ARID5B: variants seen among roughly 807,000 people sequenced by gnomAD.
The protein encoded by ARID5B is AT-rich interactive domain-containing protein 5B.
In ARID5B, 13 loss-of-function variants were observed where a neutral mutation model predicts 97.2. The ratio of observed to expected loss-of-function variants is 0.13; its 90% CI spans 0.09 to 0.21. ARID5B has a LOEUF of 0.21. Among genes scored for constraint, ARID5B ranks in the 10% least tolerant of loss-of-function variants. The pLI, the probability that ARID5B is intolerant of heterozygous loss-of-function variation, is 1.00. For synonymous variants in ARID5B, 556 were observed against 570.3 expected (o/e 0.97, Z 0.36); for missense variants, 1,210 against 1,465.3 (o/e 0.83, Z 2.84).
At chr10:62,026,865 G>T (rs1054927302) in intron 4 of ARID5B, among the ~76,000 whole-genome samples, 1 of 152,132 alleles carries the variant, frequency 6.6e-6, no homozygotes, top group Non-Finnish European at 1.5e-5. Context: ...TAAAGAGCAG[G>T]CTAATTAAAA....
At chr10:62,087,508 A>G (rs1840306981) in intron 9 of ARID5B, among the ~76,000 whole-genome samples, 1 of 151,488 alleles carries the variant, frequency 6.6e-6, no homozygotes, top group East Asian at 1.9e-4. Context: ...TTCAACATGA[A>G]TAATAAAAAA....
intron 3 of ARID5B, among the ~76,000 whole-genome samples, chr10:61,942,628 C>A (rs1844430517): frequency 6.6e-6 from 1 of 152,086 alleles, no homozygotes; most frequent in South Asian, 2.1e-4. Context: ...CCCATCTCTA[C>A]TAAAAATAGA....
intron 2 of ARID5B, among the ~76,000 whole-genome samples, chr10:61,939,545 A>G (rs1446657781): frequency 6.6e-6 from 1 of 152,222 alleles, no homozygotes; most frequent in Non-Finnish European, 1.5e-5. Flanking sequence ...AGAAAAAATC[A>G]GTTCATTTCT....
chr10:61,941,175 T>G (rs1251574612), intron 3 of ARID5B, among the ~76,000 whole-genome samples: 1 of 150,152 alleles, frequency 6.7e-6, no homozygotes, highest in African/African-American at 2.4e-5. Context: ...ACAGGGTTAT[T>G]GTGAGATGTG....
chr10:61,973,558 C>A (rs944897014), intron 3 of ARID5B, among the ~76,000 whole-genome samples: 2 of 151,976 alleles, frequency 1.3e-5, no homozygotes, highest in African/African-American at 4.8e-5. Flanking sequence ...TTTAGTCATA[C>A]TTAAATTCAC....
chr10:62,083,835 A>C (rs2132975016), intron 8 of ARID5B, among the ~76,000 whole-genome samples: 1 of 152,334 alleles, frequency 6.6e-6, no homozygotes, highest in East Asian at 1.9e-4. Flanking sequence ...TGGCAGAACC[A>C]GGCAGAAAAA....
At position 62,093,415 on chromosome 10, in the gene ARID5B, A is replaced by G. The variant is rs1840416137; in HGVS notation, c.*385A>G. 1 of 261,178 alleles carries G rather than the reference A, an allele frequency of 3.8e-6. No individual in the cohort carries two copies. The allele number at this position is 261,178 out of a possible 1,614,324, so 16.2% of individuals were successfully genotyped here. On this transcript the variant is annotated 3_prime_UTR_variant, in exon 10 of 10. Transcript: ENST00000279873. ...CATTTCAAAGGAAGGGGCAAGGAAGACTGGCAAACAGATGGCAAGGGATGC... is the reference window on the plus strand; with the variant it reads ...CATTTCAAAGGAAGGGGCAAGGAAGGCTGGCAAACAGATGGCAAGGGATGC...
At chr10:62,004,334 T>G (rs562845011) in intron 4 of ARID5B, among the ~76,000 whole-genome samples, 1 of 152,344 alleles carries the variant, frequency 6.6e-6, no homozygotes, top group East Asian at 1.9e-4. Context: ...TCTTGTCAGT[T>G]ACACTGCTCT....
chr10:61,932,587 T>C (rs1254650095), intron 2 of ARID5B, among the ~76,000 whole-genome samples: 1 of 152,058 alleles, frequency 6.6e-6, no homozygotes, highest in African/African-American at 2.4e-5. Context: ...TTTTTGTTGC[T>C]GTTGAGATGC....
intron 5 of ARID5B, among the ~76,000 whole-genome samples, chr10:62,056,655 A>G (rs752897259): frequency 1.9e-4 from 29 of 152,224 alleles, no homozygotes; most frequent in Non-Finnish European, 4.1e-4. Flanking sequence ...ATGTATTGAT[A>G]TAGAGAGACA....
intron 4 of ARID5B, chr10:62,049,219 C>G: frequency 7.4e-7 from 1 of 1,358,396 alleles, no homozygotes; most frequent in Admixed American, 3.4e-5. Flanking sequence ...GCAGAGCCCT[C>G]CCTGCCAGTC....
chr10:62,048,966 G>A (rs1040113553), intron 4 of ARID5B, among the ~76,000 whole-genome samples: 7 of 152,194 alleles, frequency 4.6e-5, no homozygotes, highest in Non-Finnish European at 1.0e-4. Flanking sequence ...TTTGATAAGG[G>A]ACTTGAAAGT....
chr10:61,979,918 C>A (rs2132844257), intron 3 of ARID5B, among the ~76,000 whole-genome samples: 1 of 151,996 alleles, frequency 6.6e-6, no homozygotes, highest in East Asian at 1.9e-4. Flanking sequence ...ATGGTGAAAC[C>A]CCGTTTCTAC....
chr10:61,917,317 A>G (rs1843926918), intron 2 of ARID5B, among the ~76,000 whole-genome samples: 1 of 151,944 alleles, frequency 6.6e-6, no homozygotes, highest in African/African-American at 2.4e-5. Context: ...TTAGTTGACC[A>G]TTCTATTTAT....
chr10:61,968,994 GC>G (rs768600547), intron 3 of ARID5B, among the ~76,000 whole-genome samples: 3 of 152,158 alleles, frequency 2.0e-5, no homozygotes, highest in Non-Finnish European at 4.4e-5. Context: ...AAAACAAGAG[GC>G]CTTCCATCCA....
chr10:62,049,604 C>A (rs1839758610), intron 4 of ARID5B: 11 of 1,364,410 alleles, frequency 8.1e-6, no homozygotes, highest in Admixed American at 2.0e-5. Flanking sequence ...GAGGAGAGAG[C>A]GGGTGTGGGA....
Position 61,936,738 on chromosome 10 carries a change from A to G in ARID5B, c.277-3445A>G, listed in dbSNP as rs1467451875. The stretch of plus-strand genomic sequence containing the variant: ...AGAAATAACAATGATCATGATAGCT[A>G]ATTCTGACATGCTACTTCATTTGTA... On this transcript the variant is annotated intron_variant, in intron 2 of 9. Coordinates refer to ENST00000279873, the MANE Select transcript of ARID5B (RefSeq NM_032199.3). 2.6e-5 allele frequency among the ~76,000 whole-genome samples: 4 copies of G among 152,150 alleles called. No individual in the cohort carries two copies. The East Asian group carries it at 7.7e-4, about 29-fold the overall frequency.
chr10:62,036,107 G>A (rs576639523), intron 4 of ARID5B, among the ~76,000 whole-genome samples: 7 of 152,246 alleles, frequency 4.6e-5, no homozygotes, highest in Admixed American at 1.3e-4. Context: ...TTACGGGCGC[G>A]AGCCACTGCA....
chr10:61,960,658 T>C (rs1418431081), intron 3 of ARID5B, among the ~76,000 whole-genome samples: 5 of 150,942 alleles, frequency 3.3e-5, no homozygotes, highest in Non-Finnish European at 3.0e-5. Context: ...CCCTTTTTTT[T>C]CCCCTCTGAC....
Sources: gnomAD v4.1 joint callset for allele counts (sites outside exome capture counted in the v4.1 genomes callset) on GRCh38, gnomAD v4.1.1 for gene constraint, MANE v1.5 for transcripts, NCBI Gene and HGNC (gene_info 2026-07-23, HGNC 2026-07-21) for gene names.